RETREG1: variants seen among roughly 807,000 people sequenced by gnomAD.
RETREG1 encodes the protein reticulophagy regulator 1.
A neutral mutation model predicts 54.8 loss-of-function variants in RETREG1; 44 were observed. That is an observed-to-expected ratio of 0.80 (90% CI 0.63 to 1.03). The LOEUF (loss-of-function observed/expected upper bound fraction) is 1.03. Ranked by LOEUF, RETREG1 falls within the 50% of genes least tolerant of loss-of-function variation. RETREG1 has a pLI of 0.00. For synonymous variants in RETREG1, 217 were observed against 238.5 expected (o/e 0.91, Z 0.83); for missense variants, 554 against 605.1 (o/e 0.92, Z 0.89).
At chr5:16,487,085 C>T (rs934796693) in intron 3 of RETREG1, among the ~76,000 whole-genome samples, 1 of 152,140 alleles carries the variant, frequency 6.6e-6, no homozygotes, top group East Asian at 1.9e-4. Context: ...ATCCTTGGCA[C>T]TGATCACCAT....
In RETREG1 at chr5:16,474,535, T is replaced by G. The variant is rs32147; in HGVS notation, c.*206A>C. 197,269 of 617,616 alleles carry G rather than the reference T, an allele frequency of 0.32. 33,025 individuals are homozygous for G. Among genetic ancestry groups the G allele is most frequent in the East Asian group, 0.47 (16,330 of 34,436 alleles). The allele number at this position is 617,616 out of a possible 1,614,324, so 38.3% of individuals were successfully genotyped here. The stretch of plus-strand genomic sequence containing the variant: ...GTATAAAGTTCATTTCCATGCTTAT[T>G]ACACAAAAATAACGATCAGAAATAT... On this transcript the variant is annotated 3_prime_UTR_variant, in exon 9 of 9. Transcript: ENST00000306320.
chr5:16,488,983 TGAGGCAGGAGAATCACTTGAACCCAG>T (rs1739135712), intron 3 of RETREG1, among the ~76,000 whole-genome samples: 1 of 146,140 alleles, frequency 6.8e-6, no homozygotes, highest in Admixed American at 7.2e-5. Context: ...CTCAGGAGGC[TGAGGCAGGAGAATCACTTGAACCCAG>T]GAGGCAGGGG....
intron 3 of RETREG1, 148 bp from the exon 4 acceptor site, chr5:16,483,620 C>A: frequency 1.3e-6 from 1 of 752,608 alleles, no homozygotes; most frequent in Non-Finnish European, 2.2e-6. Flanking sequence ...ATCCAGACAC[C>A]TGCTTCAGGA....
At chr5:16,614,065 A>G (rs1743422885) in intron 1 of RETREG1, among the ~76,000 whole-genome samples, 1 of 152,250 alleles carries the variant, frequency 6.6e-6, no homozygotes, top group Non-Finnish European at 1.5e-5. Context: ...CACAAACAGG[A>G]GATGAAATAA....
chr5:16,610,798 A>G (rs1309026615), intron 1 of RETREG1, among the ~76,000 whole-genome samples: 1 of 152,182 alleles, frequency 6.6e-6, no homozygotes, highest in Non-Finnish European at 1.5e-5. Context: ...ACACTTTTAC[A>G]CTGTTGGTGG....
intron 3 of RETREG1, among the ~76,000 whole-genome samples, chr5:16,502,194 G>C (rs139025188): frequency 1.3e-5 from 2 of 150,524 alleles, no homozygotes; most frequent in East Asian, 4.0e-4. Context: ...TCCTGATCTC[G>C]TGATTCACCC....
chr5:16,527,083 G>A (rs1740736913), intron 3 of RETREG1, among the ~76,000 whole-genome samples: 1 of 152,216 alleles, frequency 6.6e-6, no homozygotes, highest in Admixed American at 6.5e-5. Flanking sequence ...CCCTCATCCA[G>A]TGCTGCTTCC....
At chr5:16,528,509 G>A (rs76202191) in intron 3 of RETREG1, among the ~76,000 whole-genome samples, 5,871 of 152,186 alleles carry the variant, frequency 0.039, 155 homozygotes, top group Middle Eastern at 0.078. Context: ...TGACATGGAG[G>A]CCAGTCTCTT....
intron 1 of RETREG1, 57 bp downstream of exon 1, chr5:16,616,595 C>G: frequency 6.5e-7 from 1 of 1,540,468 alleles, no homozygotes; most frequent in East Asian, 2.4e-5. Flanking sequence ...CCCGGGGCCC[C>G]GGGCGCCCCA....
At chr5:16,598,006 C>T (rs958366626) in intron 1 of RETREG1, among the ~76,000 whole-genome samples, 3 of 152,120 alleles carry the variant, frequency 2.0e-5, no homozygotes, top group Non-Finnish European at 4.4e-5. Flanking sequence ...CCCTCCACTC[C>T]AGTTCCAGGC....
chr5:16,576,682 T>G (rs1332143030), intron 1 of RETREG1, among the ~76,000 whole-genome samples: 4 of 151,984 alleles, frequency 2.6e-5, no homozygotes, highest in African/African-American at 4.8e-5. Context: ...ACGGGGTCTC[T>G]CCATGTTGAG....
At chr5:16,524,564 G>C (rs1402290550) in intron 3 of RETREG1, among the ~76,000 whole-genome samples, 2 of 152,208 alleles carry the variant, frequency 1.3e-5, no homozygotes, top group Non-Finnish European at 2.9e-5. Flanking sequence ...GATTCACGCT[G>C]CCAGACGCTG....
At chr5:16,507,066 G>A (rs1426501710) in intron 3 of RETREG1, among the ~76,000 whole-genome samples, 3 of 152,084 alleles carry the variant, frequency 2.0e-5, no homozygotes, top group Non-Finnish European at 4.4e-5. Flanking sequence ...AAATTCTTAT[G>A]TTTGTTCAGT....
In RETREG1 at chr5:16,547,477, G is replaced by A. The variant is rs115295870; in HGVS notation, c.458+18286C>T. ...TCTTCCCGCAGAGCCTGGAACTGTTGGCGCTCTTAACTTTTGTTGAAAACC... is the reference window on the plus strand; with the variant it reads ...TCTTCCCGCAGAGCCTGGAACTGTTAGCGCTCTTAACTTTTGTTGAAAACC... On this transcript the variant is annotated intron_variant, in intron 3 of 8. Coordinates refer to ENST00000306320, the MANE Select transcript of RETREG1 (RefSeq NM_001034850.3). Among the ~76,000 whole-genome samples the A allele has an allele frequency of 8.9e-4, 136 of 152,244 alleles. 2 individuals carry two copies. The highest frequency in any genetic ancestry group is 7.1e-3 in the South Asian group (34 of 4,814).
At chr5:16,525,321 G>A (rs2126586769) in intron 3 of RETREG1, among the ~76,000 whole-genome samples, 1 of 101,808 alleles carries the variant, frequency 9.8e-6, no homozygotes, top group East Asian at 3.8e-4. Context: ...GCCCCAACAG[G>A]TGGATGTGCG....
At chr5:16,500,739 G>A (rs529135034) in intron 3 of RETREG1, among the ~76,000 whole-genome samples, 74 of 152,178 alleles carry the variant, frequency 4.9e-4, no homozygotes, top group Admixed American at 1.3e-3. Flanking sequence ...ACTTTCACTC[G>A]GCACAGTCCA....
intron 3 of RETREG1, among the ~76,000 whole-genome samples, chr5:16,548,219 T>C (rs1741440258): frequency 6.6e-6 from 1 of 152,228 alleles, no homozygotes; most frequent in African/African-American, 2.4e-5. Context: ...CATGGCCTTG[T>C]GTGGCCAAAG....
chr5:16,601,642 C>T (rs1743058194), intron 1 of RETREG1, among the ~76,000 whole-genome samples: 1 of 152,108 alleles, frequency 6.6e-6, no homozygotes, highest in African/African-American at 2.4e-5. Context: ...GTGATCCACC[C>T]GCCTCAGCCT....
At chr5:16,528,606 A>AG (rs1740806354) in intron 3 of RETREG1, among the ~76,000 whole-genome samples, 1 of 152,172 alleles carries the variant, frequency 6.6e-6, no homozygotes, top group Admixed American at 6.5e-5. Flanking sequence ...ATCTGGAGAC[A>AG]AAGCCAAGAG....
Sources: gnomAD v4.1 joint callset for allele counts (sites outside exome capture counted in the v4.1 genomes callset) on GRCh38, gnomAD v4.1.1 for gene constraint, MANE v1.5 for transcripts, NCBI Gene and HGNC (gene_info 2026-07-23, HGNC 2026-07-21) for gene names.